The following GPHN variants were observed in gnomAD, a reference collection of about 807,000 sequenced individuals.
GPHN encodes gephyrin.
A neutral mutation model predicts 95.5 loss-of-function variants in GPHN; 17 were observed. The observed-to-expected ratio is 0.18, with a 90% CI of 0.12 to 0.27. GPHN has a LOEUF of 0.27. Among genes scored for constraint, GPHN ranks in the 10% least tolerant of loss-of-function variants. The probability of loss-of-function intolerance (pLI) is 1.00; values close to 1 mark genes in which losing one functional copy is unlikely to be tolerated. For synonymous variants in GPHN, 320 were observed against 322.5 expected, an observed-to-expected ratio of 0.99 and a Z score of 0.08; for missense variants, 660 against 978.1, an observed-to-expected ratio of 0.67 and a Z score of 4.34.
At chr14:67,655,859 T>C in the GPHN span, among the ~76,000 whole-genome samples, 5 of 152,322 alleles carry the variant, frequency 3.3e-5, no homozygotes, top group South Asian at 2.1e-4. Context: ...TCCATCTTTT[T>C]TTCCCCTCAC....
intron 10 of GPHN, among the ~76,000 whole-genome samples, chr14:67,051,809 TA>T (rs2075318790): frequency 6.6e-6 from 1 of 152,184 alleles, no homozygotes; most frequent in African/African-American, 2.4e-5. Context: ...CAATATTCAG[TA>T]TCCTTAAAAG....
chr14:67,526,487 G>C, the GPHN span, among the ~76,000 whole-genome samples: 1 of 152,260 alleles, frequency 6.6e-6, no homozygotes, highest in Non-Finnish European at 1.5e-5. Flanking sequence ...AACTAAGAAA[G>C]GGGAGAATAT....
At chr14:67,600,506 G>C in the GPHN span, among the ~76,000 whole-genome samples, 1 of 152,222 alleles carries the variant, frequency 6.6e-6, no homozygotes, top group Non-Finnish European at 1.5e-5. Flanking sequence ...GGCCAAGGCG[G>C]GAGGATCGCT....
chr14:66,855,579 G>C (rs1019317003), intron 4 of GPHN, among the ~76,000 whole-genome samples: 1 of 152,152 alleles, frequency 6.6e-6, no homozygotes, highest in Non-Finnish European at 1.5e-5. Flanking sequence ...GGATAGTGCT[G>C]TTGTGAACAT....
chr14:66,932,443 G>C (rs1170232669), intron 8 of GPHN, among the ~76,000 whole-genome samples: 1 of 40,160 alleles, frequency 2.5e-5, no homozygotes, highest in Non-Finnish European at 4.5e-5. Context: ...GCCAAGACCA[G>C]GTTTTTTTTT....
chr14:66,737,389 C>T (rs1010761148), intron 2 of GPHN, among the ~76,000 whole-genome samples: 4 of 152,132 alleles, frequency 2.6e-5, no homozygotes, highest in African/African-American at 9.7e-5. Flanking sequence ...GGCCATAACC[C>T]TGCACAAATG....
the GPHN span, among the ~76,000 whole-genome samples, chr14:67,187,395 T>C: frequency 0.051 from 7,732 of 152,116 alleles, 211 homozygotes; most frequent in Middle Eastern, 0.068. Flanking sequence ...TTTCCCTCCC[T>C]AAGCCCAGTG....
At chr14:67,721,318 G>A in the GPHN span, among the ~76,000 whole-genome samples, 3 of 151,996 alleles carry the variant, frequency 2.0e-5, no homozygotes, top group Non-Finnish European at 4.4e-5. Context: ...CCAGAGGCAC[G>A]ATCCTAGCTC....
the GPHN span, among the ~76,000 whole-genome samples, chr14:67,457,244 A>G: frequency 2.0e-5 from 3 of 152,328 alleles, no homozygotes; most frequent in Non-Finnish European, 2.9e-5. Context: ...ATTTACCTAT[A>G]TAAGAAACCT....
the GPHN span, among the ~76,000 whole-genome samples, chr14:67,312,358 G>A: frequency 8.5e-5 from 13 of 152,122 alleles, no homozygotes; most frequent in African/African-American, 2.7e-4. Context: ...GAGAAGGATC[G>A]CTTGAGGCTA....
the GPHN span, among the ~76,000 whole-genome samples, chr14:67,534,152 G>A: frequency 8.5e-5 from 13 of 152,274 alleles, no homozygotes; most frequent in African/African-American, 3.1e-4. Flanking sequence ...CAAACTGTTT[G>A]GACTGTCTTC....
intron 1 of GPHN, among the ~76,000 whole-genome samples, chr14:66,599,153 G>A (rs1199222324): frequency 6.6e-6 from 1 of 151,946 alleles, no homozygotes; most frequent in Admixed American, 6.6e-5. Flanking sequence ...TAATAACGGA[G>A]CATAATCTGG....
rs2065878357 is a variant in GPHN, at chr14:66,915,987, T to G, written c.390-16T>G. On this transcript the variant is annotated splice_polypyrimidine_tract_variant and intron_variant, in intron 5 of 22. Coordinates refer to ENST00000478722, the MANE Select transcript of GPHN (RefSeq NM_020806.5). The stretch of plus-strand genomic sequence containing the variant: ...CATAGCAATTTAGTGTTCATCTACT[T>G]TCTCTTTTCTTTCAGGCCTGTATGT... 6.7e-7 allele frequency: 1 copy of G among 1,501,276 alleles called. No homozygotes were observed. The highest frequency in any genetic ancestry group is 9.3e-7 in the Non-Finnish European group (1 of 1,077,086). The allele number at this position is 1,501,276 out of a possible 1,614,324, so 93.0% of individuals were successfully genotyped here.
the GPHN span, chr14:67,649,833 T>A: frequency 6.6e-6 from 1 of 152,212 alleles, no homozygotes; most frequent in African/African-American, 2.4e-5. Context: ...ATACTTGTAT[T>A]CCTGAATACT....
chr14:67,385,452 A>C, the GPHN span: 1 of 151,746 alleles, frequency 6.6e-6, no homozygotes, highest in South Asian at 2.1e-4. Context: ...AAAAAAAAAA[A>C]AAAACCAAAA....
chr14:66,663,106 G>A (rs866553436), intron 1 of GPHN, among the ~76,000 whole-genome samples: 5 of 152,164 alleles, frequency 3.3e-5, no homozygotes, highest in Non-Finnish European at 4.4e-5. Context: ...ACCAACATTC[G>A]ATTTCAGGAA....
intron 4 of GPHN, among the ~76,000 whole-genome samples, chr14:66,867,282 G>A (rs2063261279): frequency 6.6e-6 from 1 of 152,038 alleles, no homozygotes; most frequent in African/African-American, 2.4e-5. Context: ...TGACCATTTG[G>A]TTGTATTATT....
the GPHN span, among the ~76,000 whole-genome samples, chr14:67,675,583 T>G: frequency 6.6e-6 from 1 of 152,132 alleles, no homozygotes; most frequent in African/African-American, 2.4e-5. Context: ...AGACTAATTC[T>G]CCTCCTAGGC....
At chr14:66,646,067 G>A (rs74057221) in intron 1 of GPHN, among the ~76,000 whole-genome samples, 1,901 of 152,096 alleles carry the variant, frequency 0.012, 55 homozygotes, top group African/African-American at 0.043. Flanking sequence ...TTTAAAGAGT[G>A]ACAATTTAGT....
Sources: gnomAD v4.1 joint callset for allele counts (sites outside exome capture counted in the v4.1 genomes callset) on GRCh38, gnomAD v4.1.1 for gene constraint, MANE v1.5 for transcripts, NCBI Gene and HGNC (gene_info 2026-07-23, HGNC 2026-07-21) for gene names.